The following OFD1 variants were observed in gnomAD, a reference collection of about 807,000 sequenced individuals.
OFD1 encodes centriole and centriolar satellite protein OFD1.
Under a neutral mutation model 81.4 loss-of-function variants are expected in OFD1, and 12 were observed. The observed-to-expected ratio is 0.15, with a 90% CI of 0.09 to 0.24. The LOEUF (loss-of-function observed/expected upper bound fraction) is 0.24. Among genes scored for constraint, OFD1 ranks in the 10% least tolerant of loss-of-function variants. The pLI is 1.00. For missense variants in OFD1, 685 were observed against 733.9 expected (o/e 0.93, Z 0.77); for synonymous variants, 256 against 263.7 (o/e 0.97, Z 0.28).
intron 12 of OFD1, among the ~76,000 whole-genome samples, chrX:13,755,972 A>G (rs1490080745): frequency 2.3e-5 from 1 of 42,660 alleles, no homozygotes. Context: ...TTTTTTTGAG[A>G]CAGAGTCTTG....
At chrX:13,744,302 AG>A (rs2051736628) in intron 5 of OFD1, 112 bp from the exon 6 acceptor site, 4 of 493,926 alleles carry the variant, frequency 8.1e-6, no homozygotes, top group African/African-American at 2.4e-5. Flanking sequence ...TCTAAAAAAA[AG>A]GAAAGATATA....
At chrX:13,762,268 C>A in intron 17 of OFD1, 76 bp from the exon 18 acceptor site, 1 of 660,078 alleles carries the variant, frequency 1.5e-6, no homozygotes, top group Non-Finnish European at 2.5e-6. Flanking sequence ...TCTTGAGTCA[C>A]AAAAGGCTTT....
At chrX:13,766,520 C>T (rs2048135904) in intron 19 of OFD1, among the ~76,000 whole-genome samples, 1 of 110,897 alleles carries the variant, frequency 9.0e-6, no homozygotes, top group African/African-American at 3.3e-5. Context: ...GGAGAGAGAC[C>T]AGGAGTAGAG....
chrX:13,726,536 T>C, the OFD1 span, among the ~76,000 whole-genome samples: 6 of 111,399 alleles, frequency 5.4e-5, no homozygotes, highest in Admixed American at 5.7e-4. Context: ...AATAAAATCC[T>C]TTACAGAGAA....
downstream of OFD1, chrX:13,773,146 A>AATT: frequency 1.8e-6 from 1 of 571,224 alleles, no homozygotes. Context: ...CTGTATTAAT[A>AATT]AATACTCGCT....
intron 5 of OFD1, among the ~76,000 whole-genome samples, chrX:13,741,423 G>A (rs1235455083): frequency 8.9e-6 from 1 of 112,216 alleles, no homozygotes; most frequent in Non-Finnish European, 1.9e-5. Context: ...ACCGTTGTCT[G>A]TCCCCTGACT....
chrX:13,735,441 TGATACATA>T (rs1228922215), intron 2 of OFD1, 95 bp downstream of exon 2: 1 of 629,714 alleles, frequency 1.6e-6, no homozygotes, highest in East Asian at 3.3e-5. Flanking sequence ...AATAATCGTA[TGATACATA>T]GATTGTATTG....
At chrX:13,722,092 G>A in the OFD1 span, 2 of 108,029 alleles carry the variant, frequency 1.9e-5, no homozygotes, top group African/African-American at 6.8e-5. Context: ...AGGACAGGGA[G>A]TTGAAATTTG....
downstream of OFD1, among the ~76,000 whole-genome samples, chrX:13,769,852 C>T (rs780747095): frequency 9.5e-4 from 106 of 111,764 alleles, 1 homozygote; most frequent in Non-Finnish European, 1.1e-3. Flanking sequence ...ATCGAACCTG[C>T]CAGTGCCTTC....
chrX:13,746,259 G>T, intron 6 of OFD1, 60 bp from the exon 7 acceptor site: 1 of 1,083,881 alleles, frequency 9.2e-7, no homozygotes, highest in Non-Finnish European at 1.3e-6. Context: ...CCAGAGGTCT[G>T]GCGTCTTACG....
At chrX:13,719,452 G>A in the OFD1 span, among the ~76,000 whole-genome samples, 1 of 111,632 alleles carries the variant, frequency 9.0e-6, no homozygotes, top group Non-Finnish European at 1.9e-5. Flanking sequence ...CCCCTGAAGT[G>A]AGGTGCTGCA....
chrX:13,715,204 G>A, the OFD1 span, among the ~76,000 whole-genome samples: 1 of 113,180 alleles, frequency 8.8e-6, no homozygotes, highest in Non-Finnish European at 1.9e-5. Flanking sequence ...CAGGCATGGT[G>A]GCTCACGCCT....
intron 15 of OFD1, among the ~76,000 whole-genome samples, chrX:13,758,814 G>GA (rs768781971): frequency 9.0e-6 from 1 of 111,292 alleles, no homozygotes; most frequent in Admixed American, 9.5e-5. Context: ...AAATATACAG[G>GA]ACAAGCAGGG....
Position 13,747,780 on chromosome X carries a change from G to T in OFD1, c.828+827G>T, listed in dbSNP as rs182882594. 4.4e-3 allele frequency among the ~76,000 whole-genome samples: 487 copies of T among 111,570 alleles called. 5 individuals carry two copies. The highest frequency in any genetic ancestry group is 6.7e-3 in the Non-Finnish European group (355 of 53,034). ...GAGAGAGCCATGGAAATGAGCAAGG[G>T]TGAAGGTCCCTGGGGTAAAGGAGTC... is the stretch of plus-strand genomic sequence containing the variant. On this transcript the variant is annotated intron_variant, in intron 8 of 22. Coordinates refer to ENST00000340096, the MANE Select transcript of OFD1 (RefSeq NM_003611.3).
chrX:13,761,807 AC>A (rs2147056526), intron 17 of OFD1, among the ~76,000 whole-genome samples: 1 of 110,037 alleles, frequency 9.1e-6, no homozygotes, highest in East Asian at 2.9e-4. Context: ...CCTGGGCCCC[AC>A]AGCAGAGGGA....
chrX:13,761,294 T>A, intron 17 of OFD1, 83 bp downstream of exon 17: 1 of 1,077,337 alleles, frequency 9.3e-7, no homozygotes, highest in Non-Finnish European at 1.3e-6. Context: ...ACTGGGATTT[T>A]TTTTTTTTGA....
At chrX:13,761,426 G>T (rs766311950) in intron 17 of OFD1, among the ~76,000 whole-genome samples, 1 of 111,288 alleles carries the variant, frequency 9.0e-6, no homozygotes, top group Non-Finnish European at 1.9e-5. Context: ...CAAATAAGTG[G>T]ATAATGCTTA....
At chrX:13,737,547 C>T (rs1388719514) in intron 3 of OFD1, among the ~76,000 whole-genome samples, 1 of 110,136 alleles carries the variant, frequency 9.1e-6, no homozygotes, top group East Asian at 2.8e-4. Flanking sequence ...ATCTATAAGC[C>T]TACCCTGACA....
upstream of OFD1, chrX:13,734,615 T>C (rs1325638969): frequency 1.2e-6 from 1 of 801,287 alleles, no homozygotes; most frequent in African/African-American, 2.2e-5. Context: ...CCGAAGCAGT[T>C]CTCGCGATAC....
Sources: gnomAD v4.1 joint callset for allele counts (sites outside exome capture counted in the v4.1 genomes callset) on GRCh38, gnomAD v4.1.1 for gene constraint, MANE v1.5 for transcripts, NCBI Gene and HGNC (gene_info 2026-07-23, HGNC 2026-07-21) for gene names.